The following USB1 variants were observed in gnomAD, a reference collection of about 807,000 sequenced individuals.
The protein encoded by USB1 is U6 snRNA phosphodiesterase 1.
Under a neutral mutation model 29.9 loss-of-function variants are expected in USB1, and 21 were observed. The observed-to-expected ratio is 0.70, with a 90% CI of 0.50 to 1.01. USB1 has a LOEUF of 1.01. Among genes scored for constraint, USB1 ranks in the 50% least tolerant of loss-of-function variants. The pLI is 0.00. For missense variants in USB1, 330 were observed against 347.1 expected (o/e 0.95, Z 0.39); for synonymous variants, 143 against 134.9 (o/e 1.06, Z -0.42).
In USB1 at chr16:58,004,378, A is replaced by C. The variant is rs538791417; in HGVS notation, c.265+1733A>C. On this transcript the variant is annotated intron_variant, in intron 2 of 6. Coordinates refer to ENST00000219281, the MANE Select transcript of USB1 (RefSeq NM_024598.4). ...ACATAGTTAAGTCTCGAAGTTGGGT[A>C]GTTTCAGTCCTCCAACTTTGTTCTT... Among the ~76,000 whole-genome samples the C allele has an allele frequency of 4.6e-5, 7 of 152,280 alleles. 1 individual carries two copies. In the South Asian group the frequency reaches 1.4e-3, roughly 32 times the overall value.
chr16:58,000,704 C>T (rs1441798592), upstream of USB1, among the ~76,000 whole-genome samples: 15 of 145,862 alleles, frequency 1.0e-4, no homozygotes, highest in Non-Finnish European at 1.4e-4. This position sits in a 1 kb window ranked among gnomAD's most constrained non-coding sequence, Gnocchi z 4.5. Flanking sequence ...GCCAGGGAGG[C>T]GGGGCCGGGG....
chr16:58,017,643 A>G (rs1449755124), intron 5 of USB1, among the ~76,000 whole-genome samples: 2 of 152,182 alleles, frequency 1.3e-5, no homozygotes, highest in African/African-American at 4.8e-5. Flanking sequence ...AAAGTCCAAC[A>G]TTTCTTAGAA....
At chr16:58,011,927 A>T (rs1391645974) in intron 3 of USB1, 1 of 1,033,118 alleles carries the variant, frequency 9.7e-7, no homozygotes, top group Non-Finnish European at 1.2e-6. Context: ...TCTACTGTTG[A>T]TACTAGAAGG....
intron 2 of USB1, among the ~76,000 whole-genome samples, chr16:58,004,700 A>G (rs895405248): frequency 5.3e-5 from 8 of 152,238 alleles, no homozygotes; most frequent in African/African-American, 1.9e-4. Flanking sequence ...GGAAGAACTG[A>G]CATCTTTACA....
At chr16:58,017,261 T>C in intron 4 of USB1, 73 bp from the exon 5 acceptor site, 1 of 1,413,658 alleles carries the variant, frequency 7.1e-7, no homozygotes, top group South Asian at 1.2e-5. Flanking sequence ...TCTGCCTGGC[T>C]CCTGCTCGGC....
chr16:58,012,659 T>C (rs1353310909), intron 3 of USB1: 1 of 1,243,098 alleles, frequency 8.0e-7, no homozygotes, highest in African/African-American at 1.5e-5. Flanking sequence ...TCTTTGGGAG[T>C]AAAGAGTTAA....
chr16:58,012,646 C>T lies in USB1; in HGVS notation c.450-1627C>T, dbSNP rs369096616. ...CCTGGTCTGACCCGTCTCCTGTGTG[C>T]TTTCTTTGGGAGTAAAGAGTTAACA... On this transcript the variant is annotated intron_variant, in intron 3 of 6. Coordinates refer to ENST00000219281, the MANE Select transcript of USB1 (RefSeq NM_024598.4). The T allele has an allele frequency of 3.3e-5, 42 of 1,280,850 alleles. No individual in the cohort carries two copies. In the African/African-American group the frequency reaches 5.7e-4, roughly 17 times the overall value. 79.3% of individuals were successfully genotyped at this position (1,280,850 alleles called of 1,614,324 possible).
At chr16:58,004,505 C>T (rs1963306949) in intron 2 of USB1, among the ~76,000 whole-genome samples, 1 of 151,958 alleles carries the variant, frequency 6.6e-6, no homozygotes, top group Non-Finnish European at 1.5e-5. Flanking sequence ...GTCTTGAATT[C>T]CTGGGCTCAA....
chr16:58,014,171 G>T, intron 3 of USB1, 102 bp from the exon 4 acceptor site: 2 of 921,448 alleles, frequency 2.2e-6, no homozygotes, highest in South Asian at 1.4e-5. Context: ...AGTGCAAAAT[G>T]AGTTAACTAT....
intron 4 of USB1, 123 bp from the exon 5 acceptor site, chr16:58,017,211 C>G: frequency 1.2e-6 from 1 of 821,658 alleles, no homozygotes; most frequent in Non-Finnish European, 2.2e-6. Flanking sequence ...GCGAGTGTAC[C>G]AGGGAGACGG....
At chr16:58,006,352 CAAAAAAAAAAAAAAACAA>C (rs1259980649) in intron 2 of USB1, among the ~76,000 whole-genome samples, 2 of 94,930 alleles carry the variant, frequency 2.1e-5, no homozygotes, top group Non-Finnish European at 4.2e-5. Flanking sequence ...AACCTCGTTT[CAAAAAAAAAAAAAAACAA>C]AAAAAAAAAA....
intron 2 of USB1, among the ~76,000 whole-genome samples, chr16:58,004,242 A>G (rs943441921): frequency 3.3e-5 from 5 of 152,132 alleles, no homozygotes; most frequent in Admixed American, 2.0e-4. Context: ...TCCTTTGCCA[A>G]AGATCGGTTG....
chr16:58,010,082 C>A lies in USB1; in HGVS notation c.419C>A (p.Ala140Asp), dbSNP rs1368704288. The A allele has an allele frequency of 6.2e-7, 1 of 1,614,032 alleles. No individual in the cohort carries two copies. Among genetic ancestry groups the A allele is most frequent in the African/African-American group, 1.3e-5 (1 of 74,910 alleles). ...RHHWILPFVQ[A>D]LKARMTSFHR... Reference sequence around the variant, plus strand: ...CACTGGATCCTCCCCTTCGTGCAGGCTCTGAAAGCCCGTATGACCTCCTTC... The same window carrying A: ...CACTGGATCCTCCCCTTCGTGCAGGATCTGAAAGCCCGTATGACCTCCTTC... Residue 140 changes from alanine (A) to aspartate (D), a missense_variant, in exon 3 of 7, where the codon GCT becomes GAT. Coordinates refer to ENST00000219281, the MANE Select transcript of USB1 (RefSeq NM_024598.4).
chr16:58,007,779 G>C (rs1362336340), intron 2 of USB1, among the ~76,000 whole-genome samples: 1 of 152,092 alleles, frequency 6.6e-6, no homozygotes, highest in Non-Finnish European at 1.5e-5. Context: ...CTGAGTTTGA[G>C]ACCAGCCTGG....
At chr16:58,004,205 C>T (rs565567168) in intron 2 of USB1, among the ~76,000 whole-genome samples, 18 of 152,296 alleles carry the variant, frequency 1.2e-4, no homozygotes, top group African/African-American at 4.3e-4. Flanking sequence ...TGAAAAGACT[C>T]TCTTTTTCAC....
intron 3 of USB1, chr16:58,011,410 A>G: frequency 2.6e-6 from 3 of 1,150,926 alleles, no homozygotes; most frequent in Non-Finnish European, 3.2e-6. Flanking sequence ...CCCCTTACCT[A>G]TTAGATTATT....
chr16:58,017,205 G>A, intron 4 of USB1, 129 bp from the exon 5 acceptor site: 1 of 791,416 alleles, frequency 1.3e-6, no homozygotes, highest in Non-Finnish European at 2.3e-6. Flanking sequence ...AGGAAAGCGA[G>A]TGTACCAGGG....
chr16:58,006,371 A>AC (rs1567418299), intron 2 of USB1, among the ~76,000 whole-genome samples: 3 of 151,004 alleles, frequency 2.0e-5, no homozygotes, highest in East Asian at 1.9e-4. Flanking sequence ...AAAAAAACAA[A>AC]AAAAAAAAAC....
At chr16:58,004,798 C>T (rs565526148) in intron 2 of USB1, among the ~76,000 whole-genome samples, 31 of 152,172 alleles carry the variant, frequency 2.0e-4, no homozygotes, top group African/African-American at 5.8e-4. Flanking sequence ...TGTGCGGAGA[C>T]GAGAGATTGT....
Sources: allele counts gnomAD v4.1 joint callset (sites outside exome capture counted in the v4.1 genomes callset), GRCh38; gene constraint gnomAD v4.1.1; non-coding constraint Gnocchi (gnomAD v3.1); transcripts MANE v1.5; gene names NCBI Gene and HGNC (gene_info 2026-07-23, HGNC 2026-07-21).